Variants in JAZF1 observed in about 807,000 individuals in gnomAD.
The protein encoded by JAZF1 is JAZF zinc finger 1, also known as juxtaposed with another zinc finger protein 1.
JAZF1 carries 8 observed loss-of-function variants against 26.4 expected under a neutral mutation model. The ratio of observed to expected loss-of-function variants is 0.30; its 90% confidence interval spans 0.18 to 0.55. The LOEUF (loss-of-function observed/expected upper bound fraction) is 0.55. Ranked by LOEUF, JAZF1 falls within the 20% of genes least tolerant of loss-of-function variation. The probability of loss-of-function intolerance (pLI) is 0.94; values close to 1 mark genes in which losing one functional copy is unlikely to be tolerated. For missense variants in JAZF1, 199 were observed against 322.0 expected (o/e 0.62, Z 2.92); for synonymous variants, 126 against 122.3 (o/e 1.03, Z -0.20).
intron 1 of JAZF1, among the ~76,000 whole-genome samples, chr7:28,168,380 C>CAAAA (rs11301939): frequency 1.5e-4 from 11 of 71,136 alleles, no homozygotes; most frequent in African/African-American, 2.3e-4. Context: ...GACTCCGTCT[C>CAAAA]AAAAAAAAAA....
At chr7:28,129,317 GCTACACAT>G (rs1468617864) in intron 1 of JAZF1, among the ~76,000 whole-genome samples, 1 of 152,072 alleles carries the variant, frequency 6.6e-6, no homozygotes, top group Non-Finnish European at 1.5e-5. Flanking sequence ...TTATAAGACA[GCTACACAT>G]GGACAAATCT....
chr7:27,975,148 G>A (rs1224426485), intron 2 of JAZF1, among the ~76,000 whole-genome samples: 2 of 152,136 alleles, frequency 1.3e-5, no homozygotes, highest in African/African-American at 4.8e-5. Flanking sequence ...GCCTCCCAAA[G>A]TGCTGGGATT....
Position 27,861,640 on chromosome 7 carries a change from T to G in JAZF1, c.386-20773A>C, listed in dbSNP as rs573176464. On this transcript the variant is annotated intron_variant, in intron 3 of 4. Coordinates refer to ENST00000283928, the MANE Select transcript of JAZF1 (RefSeq NM_175061.4). ...TCCTGCCCCATGCACTGTCACTGTT[T>G]CTCCGGTGTGCCTTTTTTCCTCTTT... Among the ~76,000 whole-genome samples the G allele has an allele frequency of 3.9e-5, 6 of 152,316 alleles. No individual in the cohort carries two copies. The South Asian group carries it at 1.2e-3, about 32-fold the overall frequency.
At chr7:27,852,038 A>AGTC (rs139573183) in intron 3 of JAZF1, among the ~76,000 whole-genome samples, 3,310 of 151,066 alleles carry the variant, frequency 0.022, 71 homozygotes, top group East Asian at 0.077. Context: ...GTCAGTATGC[A>AGTC]GTCAGTACAA....
intron 1 of JAZF1, among the ~76,000 whole-genome samples, chr7:28,055,625 T>C (rs1428183818): frequency 6.6e-6 from 1 of 152,232 alleles, no homozygotes; most frequent in African/African-American, 2.4e-5. Flanking sequence ...TGTTTTAATA[T>C]CATTTACTAC....
intron 3 of JAZF1, chr7:27,846,422 T>C (rs1372138312): frequency 1.8e-5 from 7 of 390,704 alleles, no homozygotes; most frequent in Non-Finnish European, 3.2e-5. Flanking sequence ...TATATACATA[T>C]ATACACACAG....
At chr7:28,088,236 T>C (rs1213790489) in intron 1 of JAZF1, among the ~76,000 whole-genome samples, 4 of 152,350 alleles carry the variant, frequency 2.6e-5, no homozygotes, top group African/African-American at 9.6e-5. Flanking sequence ...GGTATCATGT[T>C]CCGAAAGTTT....
intron 2 of JAZF1, among the ~76,000 whole-genome samples, chr7:27,908,342 G>T (rs1784298744): frequency 6.6e-6 from 1 of 152,126 alleles, no homozygotes; most frequent in Non-Finnish European, 1.5e-5. Flanking sequence ...AAACTATTTT[G>T]GGGGCAAAGC....
chr7:27,943,927 T>C (rs1161190045), intron 2 of JAZF1, among the ~76,000 whole-genome samples: 2 of 152,242 alleles, frequency 1.3e-5, no homozygotes, highest in African/African-American at 4.8e-5. Flanking sequence ...GGTTTAAGTC[T>C]GTCTCCTGAT....
chr7:28,021,716 C>T (rs1025519524), intron 1 of JAZF1, among the ~76,000 whole-genome samples: 2 of 152,214 alleles, frequency 1.3e-5, no homozygotes, highest in Admixed American at 6.5e-5. Flanking sequence ...CAATGTGTCA[C>T]CTGACTCTTC....
At chr7:28,050,352 G>A (rs912307845) in intron 1 of JAZF1, among the ~76,000 whole-genome samples, 2 of 152,180 alleles carry the variant, frequency 1.3e-5, no homozygotes, top group African/African-American at 2.4e-5. Context: ...AATGGGAAGC[G>A]ACTGCTGATG....
intron 2 of JAZF1, among the ~76,000 whole-genome samples, chr7:27,951,120 G>A (rs1169479958): frequency 6.6e-6 from 1 of 152,086 alleles, no homozygotes; most frequent in Admixed American, 6.6e-5. Context: ...CCATCTTACT[G>A]AAGAGGCTTA....
chr7:27,959,335 T>C (rs1785151573), intron 2 of JAZF1, among the ~76,000 whole-genome samples: 3 of 152,224 alleles, frequency 2.0e-5, no homozygotes, highest in South Asian at 4.1e-4. Flanking sequence ...CTCTTTATAC[T>C]GCAAAGTCCA....
chr7:27,891,224 C>T (rs1041425285), intron 3 of JAZF1, among the ~76,000 whole-genome samples: 3 of 152,194 alleles, frequency 2.0e-5, no homozygotes, highest in African/African-American at 7.2e-5. Context: ...GGCCTATGGG[C>T]CAACTCTGGC....
chr7:28,032,395 T>A (rs769277558), intron 1 of JAZF1, among the ~76,000 whole-genome samples: 12 of 152,236 alleles, frequency 7.9e-5, no homozygotes, highest in Non-Finnish European at 1.6e-4. Flanking sequence ...CTGGCTTTCT[T>A]TGTAAGACTC....
chr7:27,923,287 T>C (rs1784561614), intron 2 of JAZF1, among the ~76,000 whole-genome samples: 1 of 152,182 alleles, frequency 6.6e-6, no homozygotes. Context: ...GTAAAATGAC[T>C]CTTCCAAACG....
At chr7:28,138,293 A>C (rs561899096) in intron 1 of JAZF1, among the ~76,000 whole-genome samples, 2 of 152,376 alleles carry the variant, frequency 1.3e-5, no homozygotes, top group African/African-American at 4.8e-5. Context: ...AGACAGGCAC[A>C]GAGAACAAGT....
At chr7:27,946,516 A>G (rs774551100) in intron 2 of JAZF1, among the ~76,000 whole-genome samples, 1 of 152,084 alleles carries the variant, frequency 6.6e-6, no homozygotes, top group Non-Finnish European at 1.5e-5. Context: ...CCAATGACCA[A>G]CTGATTTTCC....
At chr7:28,173,484 A>T (rs1783503564) in intron 1 of JAZF1, among the ~76,000 whole-genome samples, 1 of 152,232 alleles carries the variant, frequency 6.6e-6, no homozygotes, top group African/African-American at 2.4e-5. Context: ...TGTATTATTT[A>T]TATATGTGTT....
Sources: gnomAD v4.1 joint callset for allele counts (sites outside exome capture counted in the v4.1 genomes callset) on GRCh38, gnomAD v4.1.1 for gene constraint, MANE v1.5 for transcripts, NCBI Gene and HGNC (gene_info 2026-07-23, HGNC 2026-07-21) for gene names.